The following NRXN3 variants were observed in gnomAD, a reference collection of about 807,000 sequenced individuals.
The protein encoded by NRXN3 is neurexin III.
A neutral mutation model predicts 137.6 loss-of-function variants in NRXN3; 32 were observed. That is an observed-to-expected ratio of 0.23 (90% confidence interval 0.18 to 0.31). The LOEUF (loss-of-function observed/expected upper bound fraction) is 0.31. Ranked by LOEUF, NRXN3 falls within the 10% of genes least tolerant of loss-of-function variation. The pLI, the probability that NRXN3 is intolerant of heterozygous loss-of-function variation, is 1.00. For synonymous variants in NRXN3, 798 were observed against 784.5 expected, an observed-to-expected ratio of 1.02 and a Z score of -0.29; for missense variants, 1,574 against 2,062.5, an observed-to-expected ratio of 0.76 and a Z score of 4.59.
intron 15 of NRXN3, among the ~76,000 whole-genome samples, chr14:79,432,506 A>G (rs905161896): frequency 3.3e-5 from 5 of 152,190 alleles, no homozygotes; most frequent in Non-Finnish European, 7.3e-5. Flanking sequence ...TTTAATAAAA[A>G]GATCTCATAT....
chr14:79,648,051 A>G lies in NRXN3; in HGVS notation c.3445-15727A>G, dbSNP rs995107778. Reference sequence around the variant, plus strand: ...ACAAGTTATTTGAACGGAATGAAGTATAAGAAAACCTGTGCTTTCCTTAAT... The same window carrying G: ...ACAAGTTATTTGAACGGAATGAAGTGTAAGAAAACCTGTGCTTTCCTTAAT... On this transcript the variant is annotated intron_variant, in intron 16 of 20. Transcript: ENST00000335750. Among the ~76,000 whole-genome samples the G allele has an allele frequency of 1.5e-5, 2 of 135,510 alleles. 1 individual carries two copies. Among genetic ancestry groups the G allele is most frequent in the Admixed American group, 1.6e-4 (2 of 12,774 alleles). 88.9% of individuals were successfully genotyped at this position (135,510 alleles called of 152,430 possible). A position where few individuals can be genotyped will look rare whatever the true frequency, so the allele number is the denominator to read the frequency against.
At position 78,194,074 on chromosome 14, in the gene NRXN3, C is replaced by T. The variant is rs141182132; in HGVS notation, c.-704+23400C>T. 1.5e-3 allele frequency among the ~76,000 whole-genome samples: 230 copies of T among 152,306 alleles called. 3 individuals are homozygous for T. Among genetic ancestry groups the T allele is most frequent in the Admixed American group, 0.012 (189 of 15,308 alleles). On this transcript the variant is annotated intron_variant, in intron 1 of 20. Coordinates refer to ENST00000335750, the MANE Select transcript of NRXN3 (RefSeq NM_001330195.2). ...CATCTAGTCCAGTGGAGGTAACGCA[C>T]GCTGGGTTTGGAGCGAGGACATGAT...
chr14:78,817,037 G>T (rs1306092721), intron 10 of NRXN3, among the ~76,000 whole-genome samples: 1 of 152,126 alleles, frequency 6.6e-6, no homozygotes, highest in East Asian at 1.9e-4. Flanking sequence ...GATAAACAGG[G>T]ATATTGTAGA....
At chr14:78,282,110 G>T (rs752679401) in intron 3 of NRXN3, 15 of 499,018 alleles carry the variant, frequency 3.0e-5, no homozygotes, top group South Asian at 2.0e-4. Context: ...CCTATCCAAG[G>T]CCATGTTACC....
chr14:79,469,660 A>G (rs956227469), intron 16 of NRXN3, among the ~76,000 whole-genome samples: 1 of 152,130 alleles, frequency 6.6e-6, no homozygotes, highest in African/African-American at 2.4e-5. Context: ...AGCCCAGTAG[A>G]TTTTCCTCCA....
At chr14:79,440,933 C>G (rs1362858664) in intron 15 of NRXN3, among the ~76,000 whole-genome samples, 1 of 152,132 alleles carries the variant, frequency 6.6e-6, no homozygotes, top group East Asian at 1.9e-4. Context: ...ATTCAGGAGA[C>G]AAATTTAGTA....
At chr14:79,609,168 C>T (rs2098066154) in intron 16 of NRXN3, among the ~76,000 whole-genome samples, 1 of 151,932 alleles carries the variant, frequency 6.6e-6, no homozygotes, top group Non-Finnish European at 1.5e-5. Flanking sequence ...AAAGTGTCCA[C>T]CATAGGACAC....
chr14:79,359,434 G>A (rs1412960181), intron 15 of NRXN3, among the ~76,000 whole-genome samples: 1 of 152,092 alleles, frequency 6.6e-6, no homozygotes, highest in East Asian at 1.9e-4. Flanking sequence ...CTAATAATTA[G>A]CATTATAGTA....
chr14:79,521,776 T>C (rs1017328265), intron 16 of NRXN3, among the ~76,000 whole-genome samples: 6 of 152,146 alleles, frequency 3.9e-5, no homozygotes, highest in Non-Finnish European at 5.9e-5. Context: ...TTAGACATAG[T>C]TCTTCTTTAA....
intron 6 of NRXN3, among the ~76,000 whole-genome samples, chr14:78,658,267 C>T (rs776511478): frequency 6.6e-6 from 1 of 152,182 alleles, no homozygotes; most frequent in Non-Finnish European, 1.5e-5. Context: ...TCATTCCTTG[C>T]TAGTTGCATG....
At chr14:79,431,712 A>G (rs2095757655) in intron 15 of NRXN3, among the ~76,000 whole-genome samples, 1 of 152,162 alleles carries the variant, frequency 6.6e-6, no homozygotes, top group Non-Finnish European at 1.5e-5. Flanking sequence ...ACAAGATGTA[A>G]AAGTTTTAGT....
intron 4 of NRXN3, among the ~76,000 whole-genome samples, chr14:78,522,451 G>A (rs2096297530): frequency 6.6e-6 from 1 of 152,120 alleles, no homozygotes; most frequent in Admixed American, 6.5e-5. Flanking sequence ...ATTGATTTCT[G>A]TTAGTCTTTT....
chr14:79,635,143 A>T (rs1037061239), intron 16 of NRXN3, among the ~76,000 whole-genome samples: 7 of 152,246 alleles, frequency 4.6e-5, no homozygotes, highest in Non-Finnish European at 7.3e-5. Flanking sequence ...AGATTTGATC[A>T]TTATACAATA....
chr14:78,383,485 T>C (rs80324843), intron 4 of NRXN3, among the ~76,000 whole-genome samples: 2 of 152,170 alleles, frequency 1.3e-5, no homozygotes, highest in African/African-American at 4.8e-5. Flanking sequence ...ATTATATCTA[T>C]TTATCTACCT....
intron 15 of NRXN3, among the ~76,000 whole-genome samples, chr14:79,388,178 A>G (rs1599574930): frequency 2.0e-5 from 3 of 152,100 alleles, no homozygotes; most frequent in East Asian, 3.9e-4. Flanking sequence ...TCCTCTTGTC[A>G]TGAAATGCAC....
At chr14:78,636,267 C>T (rs2097566053) in intron 4 of NRXN3, among the ~76,000 whole-genome samples, 1 of 152,062 alleles carries the variant, frequency 6.6e-6, no homozygotes, top group Non-Finnish European at 1.5e-5. Flanking sequence ...TTAAACTCAG[C>T]TACTCAGCAA....
At chr14:79,619,755 A>C (rs1281403194) in intron 16 of NRXN3, among the ~76,000 whole-genome samples, 1 of 152,078 alleles carries the variant, frequency 6.6e-6, no homozygotes, top group Non-Finnish European at 1.5e-5. Context: ...GAGATACCAA[A>C]TACAGGTTCA....
At chr14:79,786,537 A>G (rs61992421) in intron 19 of NRXN3, among the ~76,000 whole-genome samples, 18,748 of 152,218 alleles carry the variant, frequency 0.12, 1,476 homozygotes, top group African/African-American at 0.21. Context: ...ATTCCTGGGT[A>G]TACAGCTTAT....
intron 15 of NRXN3, among the ~76,000 whole-genome samples, chr14:79,362,435 A>C: frequency 6.6e-6 from 1 of 152,098 alleles, no homozygotes; most frequent in East Asian, 1.9e-4. Context: ...GGTTAATCTC[A>C]ATAAACAAAT....
Sources: allele counts gnomAD v4.1 joint callset (sites outside exome capture counted in the v4.1 genomes callset), GRCh38; gene constraint gnomAD v4.1.1; transcripts MANE v1.5; gene names NCBI Gene and HGNC (gene_info 2026-07-23, HGNC 2026-07-21).